PTPN13: variants seen among roughly 807,000 people sequenced by gnomAD.
PTPN13 encodes the protein protein tyrosine phosphatase non-receptor type 13.
In PTPN13, 191 loss-of-function variants were observed where a neutral mutation model predicts 284.0. That is an observed-to-expected ratio of 0.67 (90% CI 0.60 to 0.76). The LOEUF (loss-of-function observed/expected upper bound fraction) is 0.76. PTPN13 is among the 30% of genes least tolerant of loss of function. The probability of loss-of-function intolerance (pLI) is 0.00; values close to 1 mark genes in which losing one functional copy is unlikely to be tolerated. For missense variants in PTPN13, 2,797 were observed against 2,939.9 expected, an observed-to-expected ratio of 0.95 and a Z score of 1.12; for synonymous variants, 986 against 1,022.3, an observed-to-expected ratio of 0.96 and a Z score of 0.68.
intron 36 of PTPN13, 86 bp from the exon 37 acceptor site, chr4:86,782,115 G>T: frequency 1.1e-6 from 1 of 928,656 alleles, no homozygotes; most frequent in Non-Finnish European, 1.7e-6. Context: ...CAACATCCCA[G>T]AAATGTGAGT....
At chr4:86,684,797 C>T (rs1391957302) in intron 3 of PTPN13, among the ~76,000 whole-genome samples, 1 of 152,082 alleles carries the variant, frequency 6.6e-6, no homozygotes, top group African/African-American at 2.4e-5. Flanking sequence ...GAAACAACAA[C>T]AACAAAAGCA....
At chr4:86,752,736 C>G (rs1038334192) in intron 19 of PTPN13, among the ~76,000 whole-genome samples, 1 of 152,110 alleles carries the variant, frequency 6.6e-6, no homozygotes, top group African/African-American at 2.4e-5. Context: ...AAATGAAAAA[C>G]TCATTCCAGT....
intron 42 of PTPN13, among the ~76,000 whole-genome samples, chr4:86,802,503 T>C (rs191991681): frequency 6.6e-6 from 1 of 152,154 alleles, no homozygotes; most frequent in East Asian, 1.9e-4. Flanking sequence ...CAACATAAAC[T>C]CCTTTAGAAA....
Position 86,796,906 on chromosome 4 carries a change from T to G in PTPN13, c.6378T>G (p.Cys2126Trp), listed in dbSNP as rs766815412. 1.1e-5 allele frequency: 17 copies of G among 1,489,798 alleles called. No individual in the cohort carries two copies. Among genetic ancestry groups the G allele is most frequent in the Non-Finnish European group, 1.6e-5 (17 of 1,081,018 alleles). The allele number at this position is 1,489,798 out of a possible 1,614,324, so 92.3% of individuals were successfully genotyped here. ...ATKMNGCEEY[C>W]EEKVKSESLI... Reference sequence around the variant, plus strand: ...AAATGAATGGCTGTGAAGAATATTGTGAAGAAAAAGTAAAAAGTGAAAGGT... The same window carrying G: ...AAATGAATGGCTGTGAAGAATATTGGGAAGAAAAAGTAAAAAGTGAAAGGT... The change falls in exon 41 of 48, where the codon TGT (cysteine) becomes TGG (tryptophan). Residue 2126 changes from cysteine (C) to tryptophan (W), a missense_variant. Coordinates refer to ENST00000411767, the MANE Select transcript of PTPN13 (RefSeq NM_080683.3).
intron 40 of PTPN13, among the ~76,000 whole-genome samples, chr4:86,791,193 C>T (rs1742613710): frequency 6.6e-6 from 1 of 152,216 alleles, no homozygotes; most frequent in African/African-American, 2.4e-5. Flanking sequence ...GAGATACTGT[C>T]CCATGTCTGG....
At chr4:86,620,168 AATT>A (rs1229250462) in intron 1 of PTPN13, among the ~76,000 whole-genome samples, 2 of 152,100 alleles carry the variant, frequency 1.3e-5, no homozygotes, top group Non-Finnish European at 2.9e-5. Flanking sequence ...TATTATTGTT[AATT>A]ATTATTATTT....
At chr4:86,635,727 G>T (rs1345055695) in intron 2 of PTPN13, among the ~76,000 whole-genome samples, 1 of 152,150 alleles carries the variant, frequency 6.6e-6, no homozygotes, top group Non-Finnish European at 1.5e-5. Context: ...ACTTTGGGAG[G>T]CTGAGGTTGG....
At chr4:86,676,197 A>G (rs934117273) in intron 3 of PTPN13, among the ~76,000 whole-genome samples, 3 of 152,232 alleles carry the variant, frequency 2.0e-5, no homozygotes, top group African/African-American at 7.2e-5. Flanking sequence ...AATGTTTGTT[A>G]TATGCCAGGA....
intron 1 of PTPN13, among the ~76,000 whole-genome samples, chr4:86,606,298 C>T (rs1283585588): frequency 6.6e-6 from 1 of 151,772 alleles, no homozygotes; most frequent in African/African-American, 2.4e-5. Context: ...AAATGAGCCA[C>T]CTACACTATA....
chr4:86,814,356 A>C, intron 47 of PTPN13, 100 bp from the exon 48 acceptor site: 1 of 837,846 alleles, frequency 1.2e-6, no homozygotes, highest in East Asian at 2.9e-5. Context: ...CCATATTTTC[A>C]AAACTCATCC....
At chr4:86,595,918 G>A (rs1763717489) in intron 1 of PTPN13, 1 of 291,006 alleles carries the variant, frequency 3.4e-6, no homozygotes, top group Non-Finnish European at 5.1e-6. Flanking sequence ...TGACTGTGTT[G>A]GCAGGGTCCA....
chr4:86,785,379 C>A lies in PTPN13; in HGVS notation c.6256+11C>A. ...ACTCCTGTGGTCCAGGTACGTGAAC[C>A]AGATGAATAAATTGGTATACTATGG... On this transcript the variant is annotated intron_variant, in intron 39 of 47. Transcript: ENST00000411767. 6.2e-7 allele frequency: 1 copy of A among 1,602,712 alleles called. No homozygotes were observed. The highest frequency in any genetic ancestry group is 8.5e-7 in the Non-Finnish European group (1 of 1,174,768).
At chr4:86,678,239 T>C (rs1728509441) in intron 3 of PTPN13, among the ~76,000 whole-genome samples, 1 of 152,110 alleles carries the variant, frequency 6.6e-6, no homozygotes, top group Non-Finnish European at 1.5e-5. Flanking sequence ...ATTTTGGAGG[T>C]GACTTTTAGG....
In PTPN13 at chr4:86,775,462, C is replaced by A; in HGVS notation, c.5701C>A (p.His1901Asn). The change falls in exon 35 of 48, where the codon CAT becomes AAT. Residue 1901 changes from histidine (H) to asparagine (N), a missense_variant. By Grantham distance (68) the His-to-Asn change is moderately conservative (BLOSUM62 1). Transcript: ENST00000411767. Reference sequence around the variant, plus strand: ...TCAAGGTTTTTCCTTATGTGGAGGTCATGACAGCCTTTATCAAGTGGTATA... The same window carrying A: ...TCAAGGTTTTTCCTTATGTGGAGGTAATGACAGCCTTTATCAAGTGGTATA... Reference protein sequence around the residue: ...EELGFSLCGGHDSLYQVVYIS... With the variant: ...EELGFSLCGGNDSLYQVVYIS... The A allele has an allele frequency of 6.2e-7, 1 of 1,607,694 alleles. No individual in the cohort carries two copies. The highest frequency in any genetic ancestry group is 1.1e-5 in the South Asian group (1 of 90,842).
chr4:86,623,830 C>T lies in PTPN13; in HGVS notation c.-5-11422C>T, dbSNP rs562261892. 4.6e-5 allele frequency among the ~76,000 whole-genome samples: 7 copies of T among 152,250 alleles called. No individual in the cohort carries two copies. The South Asian group carries it at 1.0e-3, about 23-fold the overall frequency. Reference sequence around the variant, plus strand: ...TTGATTGTTATATTTTAAATGTCTACTTTCTGACTTTCCTGCTATTCCCTA... The same window carrying T: ...TTGATTGTTATATTTTAAATGTCTATTTTCTGACTTTCCTGCTATTCCCTA... On this transcript the variant is annotated intron_variant, in intron 1 of 47. Transcript: ENST00000411767.
intron 16 of PTPN13, among the ~76,000 whole-genome samples, chr4:86,742,218 AC>A (rs1736242854): frequency 6.6e-6 from 1 of 152,182 alleles, no homozygotes; most frequent in Admixed American, 6.5e-5. Context: ...CCTCGTAGCA[AC>A]TGTTATTTGA....
At chr4:86,646,777 A>G (rs1724480305) in intron 2 of PTPN13, among the ~76,000 whole-genome samples, 1 of 152,226 alleles carries the variant, frequency 6.6e-6, no homozygotes, top group Non-Finnish European at 1.5e-5. Context: ...TTCATAGCAC[A>G]TTTCTTTGTA....
intron 2 of PTPN13, among the ~76,000 whole-genome samples, chr4:86,668,183 A>G (rs1727303635): frequency 6.6e-6 from 1 of 152,342 alleles, no homozygotes; most frequent in Non-Finnish European, 1.5e-5. Flanking sequence ...ACTCTTTCAT[A>G]ATAGCATTCT....
chr4:86,808,039 A>T (rs1744839163), intron 45 of PTPN13, 142 bp downstream of exon 45: 2 of 725,628 alleles, frequency 2.8e-6, no homozygotes, highest in African/African-American at 3.6e-5. Flanking sequence ...AACTAATGCT[A>T]GCTATTTTTT....
Sources: gnomAD v4.1 joint callset for allele counts (sites outside exome capture counted in the v4.1 genomes callset) on GRCh38, gnomAD v4.1.1 for gene constraint, MANE v1.5 for transcripts, NCBI Gene and HGNC (gene_info 2026-07-23, HGNC 2026-07-21) for gene names.